Variants in KCTD16 observed in about 807,000 individuals in gnomAD.
The protein encoded by KCTD16 is BTB/POZ domain-containing protein KCTD16.
Under a neutral mutation model 33.2 loss-of-function variants are expected in KCTD16, and 13 were observed. That is an observed-to-expected ratio of 0.39 (90% CI 0.25 to 0.62). The LOEUF (loss-of-function observed/expected upper bound fraction) is 0.62, where lower values mean the gene tolerates loss of function less well. Ranked by LOEUF, KCTD16 falls within the 20% of genes least tolerant of loss-of-function variation. The probability of loss-of-function intolerance (pLI) is 0.50; values close to 1 mark genes in which losing one functional copy is unlikely to be tolerated. For missense variants in KCTD16, 441 were observed against 525.1 expected (o/e 0.84, Z 1.57); for synonymous variants, 197 against 195.3 (o/e 1.01, Z -0.07).
intron 3 of KCTD16, among the ~76,000 whole-genome samples, chr5:144,212,294 G>A (rs1753421369): frequency 6.6e-6 from 1 of 152,102 alleles, no homozygotes; most frequent in Non-Finnish European, 1.5e-5. Context: ...TTATTATACT[G>A]TTTTCACTTC....
chr5:144,258,184 A>G (rs1754904420), intron 3 of KCTD16, among the ~76,000 whole-genome samples: 1 of 152,200 alleles, frequency 6.6e-6, no homozygotes, highest in African/African-American at 2.4e-5. Flanking sequence ...AAGAACATCT[A>G]TATAAAGACA....
At chr5:144,248,558 C>T (rs1422841532) in intron 3 of KCTD16, among the ~76,000 whole-genome samples, 1 of 152,194 alleles carries the variant, frequency 6.6e-6, no homozygotes, top group Non-Finnish European at 1.5e-5. Context: ...TTAACAGGCT[C>T]CCTCTGGCTG....
chr5:144,286,406 C>G (rs1039870237), intron 3 of KCTD16, among the ~76,000 whole-genome samples: 2 of 152,114 alleles, frequency 1.3e-5, no homozygotes, highest in Non-Finnish European at 1.5e-5. Context: ...TCAAAAGCCT[C>G]TAAGATTTGT....
intron 2 of KCTD16, among the ~76,000 whole-genome samples, chr5:144,195,816 A>G (rs73792190): frequency 9.5e-4 from 145 of 152,320 alleles, no homozygotes; most frequent in Middle Eastern, 3.4e-3. Flanking sequence ...TCAATAATTT[A>G]TTAATGGGCA....
intron 3 of KCTD16, among the ~76,000 whole-genome samples, chr5:144,392,343 A>G (rs2126939329): frequency 6.6e-6 from 1 of 152,316 alleles, no homozygotes; most frequent in East Asian, 1.9e-4. Flanking sequence ...GAAGGATCTG[A>G]GGGCACAGTG....
intron 3 of KCTD16, among the ~76,000 whole-genome samples, chr5:144,313,645 C>G (rs1020710653): frequency 1.3e-5 from 2 of 152,178 alleles, no homozygotes; most frequent in Admixed American, 6.5e-5. Flanking sequence ...CAGTACTACT[C>G]TCCTCTGCTT....
At chr5:144,327,970 G>A (rs746430216) in intron 3 of KCTD16, among the ~76,000 whole-genome samples, 9 of 152,096 alleles carry the variant, frequency 5.9e-5, no homozygotes, top group Admixed American at 1.3e-4. Context: ...GTCTGAGGGC[G>A]TGTGTTTATT....
rs185308343 is a variant in KCTD16, at chr5:144,206,500, C to T, written c.-215C>T. The T allele has an allele frequency of 1.1e-3, 546 of 503,288 alleles. 2 individuals are homozygous for T. The highest frequency in any genetic ancestry group is 1.1e-3 in the Non-Finnish European group (319 of 286,554). The allele number at this position is 503,288 out of a possible 1,614,324, so 31.2% of individuals were successfully genotyped here. ...TGAAGTAGCAGCTCACTACCATCCA[C>T]CATCCAGGGTTTAAACTACTTTTTC... On this transcript the variant is annotated 5_prime_UTR_variant, in exon 3 of 4. Coordinates refer to ENST00000512467, the MANE Select transcript of KCTD16 (RefSeq NM_020768.4).
chr5:144,398,708 A>ACTCTCTCT lies in KCTD16; in HGVS notation c.833-74935_833-74928dup, dbSNP rs367796082. Among the ~76,000 whole-genome samples the ACTCTCTCT allele has an allele frequency of 7.1e-3, 1,028 of 145,524 alleles. 18 individuals carry two copies. Among genetic ancestry groups the ACTCTCTCT allele is most frequent in the African/African-American group, 0.024 (971 of 39,826 alleles). On this transcript the variant is annotated intron_variant, in intron 3 of 3. Transcript: ENST00000512467. ...CTTTGAATATATTACACACACACACACTCTCTCTCTCTCTCTCTCTCTCTT... is the reference window on the plus strand; with the variant it reads ...CTTTGAATATATTACACACACACACACTCTCTCTCTCTCTCTCTCTCTCTCTCTCTCTT...
intron 3 of KCTD16, among the ~76,000 whole-genome samples, chr5:144,213,609 T>C (rs543361802): frequency 6.6e-6 from 1 of 152,198 alleles, no homozygotes; most frequent in Non-Finnish European, 1.5e-5. Context: ...TTTAGAGGCC[T>C]AATCAAATTC....
intron 3 of KCTD16, among the ~76,000 whole-genome samples, chr5:144,425,023 A>G (rs1347035022): frequency 6.6e-6 from 1 of 152,132 alleles, no homozygotes; most frequent in African/African-American, 2.4e-5. Context: ...ACAAGTCCAA[A>G]GTCCAGAGTC....
At chr5:144,274,624 C>T (rs1282652216) in intron 3 of KCTD16, among the ~76,000 whole-genome samples, 1 of 152,106 alleles carries the variant, frequency 6.6e-6, no homozygotes, top group Non-Finnish European at 1.5e-5. Flanking sequence ...AAGGACTCTA[C>T]CTGTGTCTGA....
In KCTD16 at chr5:144,322,368, A is replaced by G. The variant is rs568001671; in HGVS notation, c.832+114822A>G. Among the ~76,000 whole-genome samples, 15 of 152,294 alleles carry G rather than the reference A, an allele frequency of 9.8e-5. No individual in the cohort carries two copies. The South Asian group carries it at 2.1e-3, about 21-fold the overall frequency. On this transcript the variant is annotated intron_variant, in intron 3 of 3. Transcript: ENST00000512467. ...GTTTGGTATAAAGATGACATGTGAT[A>G]TAAGTTGATCTAATCAGAGCTAATC...
intron 3 of KCTD16, among the ~76,000 whole-genome samples, chr5:144,403,015 G>T (rs139355161): frequency 6.6e-6 from 1 of 152,144 alleles, no homozygotes; most frequent in East Asian, 1.9e-4. Context: ...GCATTTGTTG[G>T]TTTATGGCTA....
rs954774371 is a variant in KCTD16, at chr5:144,485,217, T to A, written c.*11103T>A. ...AAAATGCTACTACTAATTGTCCCAA[T>A]GGAATTGCACATCATTTTGGCAATC... On this transcript the variant is annotated 3_prime_UTR_variant, in exon 4 of 4. Transcript: ENST00000512467. 6.6e-6 allele frequency: 1 copy of A among 151,902 alleles called. No individual in the cohort carries two copies. Among genetic ancestry groups the A allele is most frequent in the Non-Finnish European group, 1.5e-5 (1 of 67,908 alleles). 9.4% of individuals were successfully genotyped at this position (151,902 alleles called of 1,614,324 possible). A position where few individuals can be genotyped will look rare whatever the true frequency, so the allele number is the denominator to read the frequency against.
intron 3 of KCTD16, among the ~76,000 whole-genome samples, chr5:144,443,707 A>T: frequency 6.6e-6 from 1 of 152,238 alleles, no homozygotes. Flanking sequence ...TAAATCTATT[A>T]TAATTATTAT....
chr5:144,247,440 G>A (rs1754580694), intron 3 of KCTD16, among the ~76,000 whole-genome samples: 2 of 152,180 alleles, frequency 1.3e-5, no homozygotes, highest in Admixed American at 1.3e-4. Flanking sequence ...TGTGTGAGGG[G>A]AGAGACCTAT....
chr5:144,259,297 G>A lies in KCTD16; in HGVS notation c.832+51751G>A, dbSNP rs1033560253. ...AAAAAAAAAAAAAGGGATGAAGCATGTCCTTGGGAAAACAGTCAATGAATG... is the reference window on the plus strand; with the variant it reads ...AAAAAAAAAAAAAGGGATGAAGCATATCCTTGGGAAAACAGTCAATGAATG... On this transcript the variant is annotated intron_variant, in intron 3 of 3. Transcript: ENST00000512467. Among the ~76,000 whole-genome samples the A allele has an allele frequency of 6.7e-5, 6 of 89,266 alleles. 2 individuals are homozygous for A. Among genetic ancestry groups the A allele is most frequent in the Non-Finnish European group, 1.7e-4 (6 of 34,862 alleles). 58.6% of individuals were successfully genotyped at this position (89,266 alleles called of 152,430 possible).
chr5:144,357,593 C>T (rs1751600583), intron 3 of KCTD16, among the ~76,000 whole-genome samples: 1 of 152,188 alleles, frequency 6.6e-6, no homozygotes, highest in African/African-American at 2.4e-5. Flanking sequence ...GGTATGCTCT[C>T]TCCAGAAACT....
Sources: gnomAD v4.1 joint callset for allele counts (sites outside exome capture counted in the v4.1 genomes callset) on GRCh38, gnomAD v4.1.1 for gene constraint, MANE v1.5 for transcripts, NCBI Gene and HGNC (gene_info 2026-07-23, HGNC 2026-07-21) for gene names.